The following HFM1 variants were observed in gnomAD, a reference collection of about 807,000 sequenced individuals.
HFM1 encodes probable ATP-dependent DNA helicase HFM1.
Under a neutral mutation model 192.1 loss-of-function variants are expected in HFM1, and 169 were observed. That is an observed-to-expected ratio of 0.88 (90% CI 0.78 to 1.00). The LOEUF (loss-of-function observed/expected upper bound fraction) is 1.00, where lower values mean the gene tolerates loss of function less well. Ranked by LOEUF, HFM1 falls within the 50% of genes least tolerant of loss-of-function variation. The probability of loss-of-function intolerance (pLI) is 0.00; values close to 1 mark genes in which losing one functional copy is unlikely to be tolerated. For missense variants in HFM1, 1,661 were observed against 1,668.0 expected, an observed-to-expected ratio of 1.00 and a Z score of 0.07; for synonymous variants, 525 against 537.8, an observed-to-expected ratio of 0.98 and a Z score of 0.33.
At chr1:91,306,237 C>G (rs1302047948) in intron 30 of HFM1, among the ~76,000 whole-genome samples, 1 of 152,084 alleles carries the variant, frequency 6.6e-6, no homozygotes, top group African/African-American at 2.4e-5. Context: ...GAGGCTGAGA[C>G]AGGAGAATAG....
At chr1:91,309,440 TG>T (rs1223401533) in intron 30 of HFM1, among the ~76,000 whole-genome samples, 7 of 152,206 alleles carry the variant, frequency 4.6e-5, no homozygotes, top group Non-Finnish European at 7.4e-5. Context: ...ATGAAACAAA[TG>T]AAAGTATATG....
intron 25 of HFM1, among the ~76,000 whole-genome samples, chr1:91,317,833 C>A (rs2101210637): frequency 6.6e-6 from 1 of 151,828 alleles, no homozygotes; most frequent in Non-Finnish European, 1.5e-5. Flanking sequence ...TGCCCAATAA[C>A]AACTTGGATT....
chr1:91,404,819 G>A lies in HFM1; in HGVS notation c.-49C>T, dbSNP rs536015561. On this transcript the variant is annotated 5_prime_UTR_variant, in exon 1 of 39. Coordinates refer to ENST00000370425, the MANE Select transcript of HFM1 (RefSeq NM_001017975.6). ...TCACCTCCCTGCGGACAGCTCCTAG[G>A]CCAGTCGAGCGCCGATTTATCAGCC... 2.0e-4 allele frequency: 90 copies of A among 455,654 alleles called. No homozygotes were observed. In the East Asian group the frequency reaches 2.6e-3, roughly 13 times the overall value. 28.2% of individuals were successfully genotyped at this position (455,654 alleles called of 1,614,324 possible). A position where few individuals can be genotyped will look rare whatever the true frequency, so the allele number is the denominator to read the frequency against.
chr1:91,337,952 G>A (rs1487828915), intron 20 of HFM1, among the ~76,000 whole-genome samples: 5 of 152,256 alleles, frequency 3.3e-5, no homozygotes, highest in South Asian at 2.1e-4. Context: ...CAGCACACTC[G>A]AAGCAGATCT....
intron 25 of HFM1, among the ~76,000 whole-genome samples, chr1:91,317,350 G>C (rs1260867653): frequency 6.6e-6 from 1 of 152,154 alleles, no homozygotes; most frequent in African/African-American, 2.4e-5. Flanking sequence ...AGAGGCGGAG[G>C]TTGCGGTGAG....
intron 30 of HFM1, among the ~76,000 whole-genome samples, chr1:91,287,396 G>C (rs1443079195): frequency 6.6e-6 from 1 of 152,074 alleles, no homozygotes; most frequent in Non-Finnish European, 1.5e-5. Context: ...CCCTAGCAGG[G>C]GCAGACTGAC....
intron 25 of HFM1, among the ~76,000 whole-genome samples, chr1:91,318,751 C>A (rs775616713): frequency 2.5e-4 from 38 of 152,136 alleles, no homozygotes; most frequent in Non-Finnish European, 4.0e-4. Context: ...ACAAAATATT[C>A]ATCAAAAAAG....
At chr1:91,373,824 A>C (rs1660564555) in intron 13 of HFM1, among the ~76,000 whole-genome samples, 1 of 151,994 alleles carries the variant, frequency 6.6e-6, no homozygotes, top group Non-Finnish European at 1.5e-5. Flanking sequence ...TAAATTACCC[A>C]GGCTCAGAAA....
chr1:91,286,041 C>T (rs897096377), intron 30 of HFM1, among the ~76,000 whole-genome samples: 3 of 152,058 alleles, frequency 2.0e-5, no homozygotes, highest in Non-Finnish European at 4.4e-5. Context: ...TTTGGATGTG[C>T]CAAAGAGAAG....
intron 13 of HFM1, among the ~76,000 whole-genome samples, chr1:91,374,817 A>G (rs947860727): frequency 3.9e-5 from 6 of 152,292 alleles, no homozygotes; most frequent in Non-Finnish European, 7.4e-5. Context: ...ATTCATAGAC[A>G]TGCATAAATA....
intron 4 of HFM1, among the ~76,000 whole-genome samples, chr1:91,386,700 A>G (rs1662255827): frequency 6.7e-6 from 1 of 150,322 alleles, no homozygotes; most frequent in Non-Finnish European, 1.5e-5. Flanking sequence ...ATTTCATAAC[A>G]CCTAATAGTA....
chr1:91,355,656 CAAGAGCACAT>C (rs1657621480), intron 13 of HFM1, among the ~76,000 whole-genome samples: 1 of 152,026 alleles, frequency 6.6e-6, no homozygotes, highest in Non-Finnish European at 1.5e-5. Context: ...GTCAATTCAT[CAAGAGCACAT>C]AAGAATTGTA....
intron 30 of HFM1, among the ~76,000 whole-genome samples, chr1:91,292,741 C>G (rs372069393): frequency 6.6e-6 from 1 of 152,098 alleles, no homozygotes; most frequent in Non-Finnish European, 1.5e-5. Flanking sequence ...GCTCGTATCA[C>G]CAAGTCAATC....
chr1:91,316,102 T>G lies in HFM1; in HGVS notation c.2981A>C (p.Gln994Pro). 6.4e-7 allele frequency: 1 copy of G among 1,563,674 alleles called. No individual in the cohort carries two copies. The highest frequency in any genetic ancestry group is 2.2e-5 in the East Asian group (1 of 44,530). ...ATCTAAGAAACAGAAAATATTTACC[T>G]GTTCCACTTTAAGTTCATATTTTGG... Reference protein sequence around the residue: ...YLPKYELKVEQITRYSDTTAE... With the variant: ...YLPKYELKVEPITRYSDTTAE... Residue 994 changes from glutamine (Q) to proline (P), a missense_variant and splice_region_variant, in exon 27 of 39, where the codon CAG becomes CCG. By Grantham distance (76) the Gln-to-Pro change is moderately conservative. Coordinates refer to ENST00000370425, the MANE Select transcript of HFM1 (RefSeq NM_001017975.6).
In HFM1 at chr1:91,287,700, C is replaced by T. The variant is rs1436153200; in HGVS notation, c.3392-10638G>A. On this transcript the variant is annotated intron_variant, in intron 30 of 38. Transcript: ENST00000370425. ...CGAGCTGAGAGAAGAAGTCTTCAGA[C>T]GATCAAATTACTCCGAGCTACGGGA... Among the ~76,000 whole-genome samples, 7 of 151,760 alleles carry T rather than the reference C, an allele frequency of 4.6e-5. 1 individual carries two copies. Among genetic ancestry groups the T allele is most frequent in the South Asian group, 4.2e-4 (2 of 4,788 alleles).
intron 30 of HFM1, among the ~76,000 whole-genome samples, chr1:91,298,606 A>T (rs1474820321): frequency 6.6e-6 from 1 of 152,230 alleles, no homozygotes; most frequent in Non-Finnish European, 1.5e-5. Context: ...AAACTCTACA[A>T]ACCAGAAGAG....
chr1:91,378,175 A>G lies in HFM1; in HGVS notation c.1245T>C (p.Ile415=). The change falls in exon 11 of 39, where the codon ATT becomes ATC. Residue 415 remains isoleucine, a synonymous_variant. Coordinates refer to ENST00000370425, the MANE Select transcript of HFM1 (RefSeq NM_001017975.6). ...TTGGACCACGATTTTCATCTTTTAC[A>G]ATATGTACCTAAGCAGGAAATCAAG... is the stretch of plus-strand genomic sequence containing the variant. The part of the protein sequence containing the change: ...VRLFLIDEVH[I]VKDENRGPTL... 6.3e-7 allele frequency: 1 copy of G among 1,599,586 alleles called. No individual in the cohort carries two copies. Among genetic ancestry groups the G allele is most frequent in the Non-Finnish European group, 8.5e-7 (1 of 1,174,428 alleles).
intron 30 of HFM1, among the ~76,000 whole-genome samples, chr1:91,295,847 ATTGT>A (rs893834866): frequency 6.6e-6 from 1 of 151,950 alleles, no homozygotes; most frequent in African/African-American, 2.4e-5. Flanking sequence ...TAAAAGTTTT[ATTGT>A]TTTTCTTTCA....
At chr1:91,313,872 T>C in intron 29 of HFM1, 85 bp downstream of exon 29, 1 of 699,110 alleles carries the variant, frequency 1.4e-6, no homozygotes, top group South Asian at 2.3e-5. Flanking sequence ...ATTTATACTG[T>C]TTTTCTGTAC....
Sources: gnomAD v4.1 joint callset for allele counts (sites outside exome capture counted in the v4.1 genomes callset) on GRCh38, gnomAD v4.1.1 for gene constraint, MANE v1.5 for transcripts, NCBI Gene and HGNC (gene_info 2026-07-23, HGNC 2026-07-21) for gene names.